The following NEMP2 variants were observed in gnomAD, a reference collection of about 807,000 sequenced individuals.
The protein encoded by NEMP2 is UPF0571 transmembrane protein.
Under a neutral mutation model 54.2 loss-of-function variants are expected in NEMP2, and 53 were observed. That is an observed-to-expected ratio of 0.98 (90% CI 0.78 to 1.23). NEMP2 has a LOEUF of 1.23. NEMP2 is among the 50% of genes most tolerant of loss of function. NEMP2 has a pLI of 0.00. For missense variants in NEMP2, 455 were observed against 511.3 expected, an observed-to-expected ratio of 0.89 and a Z score of 1.06; for synonymous variants, 197 against 190.3, an observed-to-expected ratio of 1.04 and a Z score of -0.29.
the NEMP2 span, among the ~76,000 whole-genome samples, chr2:190,441,996 A>G: frequency 6.6e-6 from 1 of 152,172 alleles, no homozygotes; most frequent in Non-Finnish European, 1.5e-5. Flanking sequence ...CCTGATGGCA[A>G]TTGATACTGT....
At chr2:190,452,015 TGA>T in the NEMP2 span, among the ~76,000 whole-genome samples, 65 of 152,202 alleles carry the variant, frequency 4.3e-4, no homozygotes, top group Non-Finnish European at 7.1e-4. Flanking sequence ...AGTCATCAGC[TGA>T]TGATTCATGT....
At chr2:190,549,136 C>T in the NEMP2 span, among the ~76,000 whole-genome samples, 955 of 152,296 alleles carry the variant, frequency 6.3e-3, 14 homozygotes, top group African/African-American at 0.022. Context: ...TTCATACTTA[C>T]AGTGCAGTTT....
At chr2:190,563,359 G>A in the NEMP2 span, among the ~76,000 whole-genome samples, 1 of 152,268 alleles carries the variant, frequency 6.6e-6, no homozygotes, top group East Asian at 1.9e-4. The surrounding 1 kb of genome is among the most constrained non-coding windows in gnomAD (Gnocchi z 4.3). Context: ...CCTTCACGCA[G>A]GTAGACGTTT....
the NEMP2 span, among the ~76,000 whole-genome samples, chr2:190,482,085 T>C: frequency 6.6e-6 from 1 of 152,120 alleles, no homozygotes; most frequent in African/African-American, 2.4e-5. Context: ...ACGTGGGAAA[T>C]TGTATGGGTC....
the NEMP2 span, among the ~76,000 whole-genome samples, chr2:190,550,639 C>G: frequency 1.3e-5 from 2 of 152,188 alleles, no homozygotes; most frequent in South Asian, 4.2e-4. This position sits in a 1 kb window ranked among gnomAD's most constrained non-coding sequence, Gnocchi z 4.7. Flanking sequence ...ATATCATCTC[C>G]CTTCTCTATT....
chr2:190,449,927 A>G, the NEMP2 span, among the ~76,000 whole-genome samples: 10 of 152,234 alleles, frequency 6.6e-5, no homozygotes, highest in Admixed American at 2.6e-4. Flanking sequence ...TGACGAGTTA[A>G]TGGGTGCAGC....
rs1443138951 is a variant in NEMP2, at chr2:190,522,249, T to C, written c.213+3014A>G. 6.6e-6 allele frequency among the ~76,000 whole-genome samples: 1 copy of C among 151,930 alleles called. No homozygotes were observed. The highest frequency in any genetic ancestry group is 1.5e-5 in the Non-Finnish European group (1 of 67,972). ...AAGGTGGTTGGGAGAGGGGCAAGGG[T>C]TGAAAATCTACTGATTGGGTACTAT... On this transcript the variant is annotated intron_variant, in intron 2 of 8. Coordinates refer to ENST00000409150, the MANE Select transcript of NEMP2 (RefSeq NM_001142645.2). This position sits in a 1 kb window ranked among gnomAD's most constrained non-coding sequence, Gnocchi z 5.0.
chr2:190,443,924 C>T, the NEMP2 span, among the ~76,000 whole-genome samples: 1 of 152,072 alleles, frequency 6.6e-6, no homozygotes, highest in Admixed American at 6.6e-5. This position sits in a 1 kb window ranked among gnomAD's most constrained non-coding sequence, Gnocchi z 4.2. Flanking sequence ...TGGTGTCACA[C>T]GCCTGTAGTC....
At chr2:190,605,079 AC>A in the NEMP2 span, among the ~76,000 whole-genome samples, 15 of 152,184 alleles carry the variant, frequency 9.9e-5, no homozygotes, top group Non-Finnish European at 2.1e-4. Context: ...GTGCACGTCT[AC>A]CCCTGAACTC....
the NEMP2 span, among the ~76,000 whole-genome samples, chr2:190,496,547 A>G: frequency 2.0e-5 from 3 of 152,216 alleles, no homozygotes; most frequent in Non-Finnish European, 2.9e-5. The surrounding 1 kb of genome is among the most constrained non-coding windows in gnomAD (Gnocchi z 4.7). Flanking sequence ...TTATAGCATC[A>G]CAATTGCAAA....
the NEMP2 span, among the ~76,000 whole-genome samples, chr2:190,631,855 AG>A: frequency 6.6e-6 from 1 of 152,156 alleles, no homozygotes; most frequent in Non-Finnish European, 1.5e-5. Context: ...CAGGAGTTCG[AG>A]ACCAGCCTGG....
At chr2:190,442,485 T>A in the NEMP2 span, 1 of 152,016 alleles carries the variant, frequency 6.6e-6, no homozygotes, top group Non-Finnish European at 1.5e-5. Context: ...GCTTTGAATG[T>A]TGCTATGCAG....
At chr2:190,572,502 G>C in the NEMP2 span, among the ~76,000 whole-genome samples, 3 of 152,080 alleles carry the variant, frequency 2.0e-5, no homozygotes, top group South Asian at 6.2e-4. Context: ...GGAAAATGTA[G>C]TCCATAGCTG....
the NEMP2 span, among the ~76,000 whole-genome samples, chr2:190,482,868 CTTTTTTTTTTTTTT>C: frequency 9.9e-4 from 48 of 48,288 alleles, 1 homozygote; most frequent in African/African-American, 2.8e-3. Flanking sequence ...AGACTATCAT[CTTTTTTTTTTTTTT>C]TTTTTTTTTT....
At chr2:190,589,975 G>A in the NEMP2 span, among the ~76,000 whole-genome samples, 1 of 152,160 alleles carries the variant, frequency 6.6e-6, no homozygotes, top group Admixed American at 6.6e-5. This position sits in a 1 kb window ranked among gnomAD's most constrained non-coding sequence, Gnocchi z 4.3. Context: ...CAGGACTCAG[G>A]TTGCTGATTA....
chr2:190,518,644 G>T, intron 4 of NEMP2, 92 bp downstream of exon 4: 1 of 1,063,030 alleles, frequency 9.4e-7, no homozygotes, highest in Non-Finnish European at 1.3e-6. Context: ...AACTACAAAT[G>T]CACAATAGTG....
At chr2:190,451,435 G>A in the NEMP2 span, among the ~76,000 whole-genome samples, 3 of 152,220 alleles carry the variant, frequency 2.0e-5, no homozygotes, top group Non-Finnish European at 4.4e-5. This position sits in a 1 kb window ranked among gnomAD's most constrained non-coding sequence, Gnocchi z 5.0. Context: ...GACAGGCACT[G>A]TGCTATAATC....
intron 1 of NEMP2, among the ~76,000 whole-genome samples, chr2:190,526,023 T>G (rs1690921873): frequency 6.6e-6 from 1 of 152,044 alleles, no homozygotes; most frequent in African/African-American, 2.4e-5. Flanking sequence ...CTGAAAATAG[T>G]TCAGTAAAGA....
downstream of NEMP2, among the ~76,000 whole-genome samples, chr2:190,502,805 C>A (rs1460751322): frequency 2.0e-5 from 3 of 152,180 alleles, no homozygotes; most frequent in South Asian, 6.2e-4. This position sits in a 1 kb window ranked among gnomAD's most constrained non-coding sequence, Gnocchi z 4.4. Context: ...TTGTAGTGTG[C>A]TGATGAGATT....
Sources: allele counts gnomAD v4.1 joint callset (sites outside exome capture counted in the v4.1 genomes callset), GRCh38; gene constraint gnomAD v4.1.1; non-coding constraint Gnocchi (gnomAD v3.1); transcripts MANE v1.5; gene names NCBI Gene and HGNC (gene_info 2026-07-23, HGNC 2026-07-21).